Variants in HMBOX1 observed in about 807,000 individuals in gnomAD.
HMBOX1 encodes homeobox containing 1.
A neutral mutation model predicts 54.5 loss-of-function variants in HMBOX1; 14 were observed. That is an observed-to-expected ratio of 0.26 (90% CI 0.17 to 0.40). HMBOX1 has a LOEUF of 0.40. Among genes scored for constraint, HMBOX1 ranks in the 10% least tolerant of loss-of-function variants. HMBOX1 has a pLI of 1.00. For missense variants in HMBOX1, 332 were observed against 514.4 expected (o/e 0.65, Z 3.43); for synonymous variants, 160 against 181.0 (o/e 0.88, Z 0.93).
chr8:29,009,849 T>C, intron 5 of HMBOX1: 3 of 1,202,662 alleles, frequency 2.5e-6, no homozygotes, highest in Non-Finnish European at 1.0e-6. Context: ...AATCTGAAGT[T>C]ATGGGACTAT....
In HMBOX1 at chr8:29,019,049, A is replaced by G. The variant is rs143789281; in HGVS notation, c.851+136A>G. ...ATCTCTAAAAGTACTTTAGAATATC[A>G]TAAATGCTGTATTATAGAAATAAGG... On this transcript the variant is annotated intron_variant, in intron 6 of 9. Coordinates refer to ENST00000287701, the MANE Select transcript of HMBOX1 (RefSeq NM_001135726.3). 722 of 675,246 alleles carry G rather than the reference A, an allele frequency of 1.1e-3. 4 individuals are homozygous for G. The African/African-American group carries it at 0.012, about 11-fold the overall frequency. The allele number at this position is 675,246 out of a possible 1,614,324, so 41.8% of individuals were successfully genotyped here. A position where few individuals can be genotyped will look rare whatever the true frequency, so the allele number is the denominator to read the frequency against.
chr8:29,003,320 GAAT>G (rs1294353771), intron 4 of HMBOX1, among the ~76,000 whole-genome samples: 1 of 151,302 alleles, frequency 6.6e-6, no homozygotes, highest in Non-Finnish European at 1.5e-5. Context: ...CTGCAGTATC[GAAT>G]AATAGGTTCA....
intron 1 of HMBOX1, among the ~76,000 whole-genome samples, chr8:28,958,505 A>G (rs1824877947): frequency 3.3e-5 from 5 of 152,194 alleles, no homozygotes; most frequent in Admixed American, 3.3e-4. Flanking sequence ...TAACATTCAC[A>G]TGGTTAAAAT....
chr8:28,998,607 T>C (rs1252646844), intron 4 of HMBOX1, among the ~76,000 whole-genome samples: 3 of 152,128 alleles, frequency 2.0e-5, no homozygotes, highest in African/African-American at 7.2e-5. Flanking sequence ...TCTGTCTTCT[T>C]ATTGGAGTTT....
chr8:28,945,946 T>TC (rs1221538888), intron 1 of HMBOX1, among the ~76,000 whole-genome samples: 1 of 145,602 alleles, frequency 6.9e-6, no homozygotes, highest in Non-Finnish European at 1.5e-5. Flanking sequence ...GGCATATTCT[T>TC]TTTTTTTTTT....
At chr8:28,898,824 T>C (rs775109183) in intron 1 of HMBOX1, among the ~76,000 whole-genome samples, 1 of 152,220 alleles carries the variant, frequency 6.6e-6, no homozygotes, top group Non-Finnish European at 1.5e-5. Flanking sequence ...CTGAATGCAT[T>C]GCATGACCAC....
At chr8:29,022,730 G>T (rs1271105248) in intron 6 of HMBOX1, among the ~76,000 whole-genome samples, 1 of 151,902 alleles carries the variant, frequency 6.6e-6, no homozygotes, top group Non-Finnish European at 1.5e-5. Context: ...TAAAATGGAG[G>T]AATAAACCAT....
intron 4 of HMBOX1, among the ~76,000 whole-genome samples, chr8:28,984,185 T>G (rs1192264551): frequency 1.3e-5 from 2 of 152,198 alleles, no homozygotes; most frequent in African/African-American, 2.4e-5. Context: ...TTAAACAAAT[T>G]AGTCAAGTGT....
intron 1 of HMBOX1, among the ~76,000 whole-genome samples, chr8:28,896,744 A>G (rs1194714732): frequency 1.3e-5 from 2 of 152,206 alleles, no homozygotes; most frequent in African/African-American, 4.8e-5. Context: ...GCAATAGGCT[A>G]TACCACCTAG....
chr8:28,953,315 T>A (rs1207456599), intron 1 of HMBOX1, among the ~76,000 whole-genome samples: 1 of 152,198 alleles, frequency 6.6e-6, no homozygotes, highest in South Asian at 2.1e-4. Context: ...CAGCTAACTG[T>A]AGTAAGGCCT....
At chr8:29,037,350 A>T (rs1804067028) in intron 6 of HMBOX1, among the ~76,000 whole-genome samples, 1 of 152,204 alleles carries the variant, frequency 6.6e-6, no homozygotes, top group African/African-American at 2.4e-5. Flanking sequence ...TTTATTATTT[A>T]AGAATAATTT....
chr8:28,904,280 GCT>G (rs1813821480), intron 1 of HMBOX1, among the ~76,000 whole-genome samples: 8 of 126,276 alleles, frequency 6.3e-5, no homozygotes. Flanking sequence ...ACGGAGTCTT[GCT>G]CTGTCTTCAG....
intron 1 of HMBOX1, among the ~76,000 whole-genome samples, chr8:28,916,077 T>C (rs1283667257): frequency 2.0e-5 from 3 of 152,230 alleles, no homozygotes; most frequent in East Asian, 1.9e-4. Flanking sequence ...ACAGCAGTTA[T>C]AGTTTCTACT....
At chr8:28,934,522 A>G (rs757192491) in intron 1 of HMBOX1, among the ~76,000 whole-genome samples, 5 of 152,272 alleles carry the variant, frequency 3.3e-5, no homozygotes, top group Non-Finnish European at 7.3e-5. Flanking sequence ...AGCTGTCTCT[A>G]TTCACAGACA....
intron 4 of HMBOX1, 122 bp downstream of exon 4, chr8:28,980,278 T>C (rs112576452): frequency 1.4e-6 from 1 of 731,586 alleles, no homozygotes; most frequent in South Asian, 1.6e-5. Context: ...GGCATAATTA[T>C]GTATGCCTGT....
At position 28,904,405 on chromosome 8, in the gene HMBOX1, G is replaced by T. The variant is rs936306594; in HGVS notation, c.-58+13727G>T. Among the ~76,000 whole-genome samples the T allele has an allele frequency of 2.0e-5, 3 of 152,002 alleles. No homozygotes were observed. The South Asian group carries it at 6.2e-4, about 32-fold the overall frequency. On this transcript the variant is annotated intron_variant, in intron 1 of 9. Transcript: ENST00000287701. The stretch of plus-strand genomic sequence containing the variant: ...GCGCCACCATGCCCAGCCGATTTTT[G>T]TATTTTTAGTAGAGACGAGGTTTCA...
chr8:28,900,796 T>G (rs952748887), intron 1 of HMBOX1, among the ~76,000 whole-genome samples: 1 of 152,128 alleles, frequency 6.6e-6, no homozygotes, highest in African/African-American at 2.4e-5. Flanking sequence ...GAGTTTTTTT[T>G]GTTTGTTTTT....
intron 2 of HMBOX1, among the ~76,000 whole-genome samples, chr8:28,969,313 A>G (rs1399122119): frequency 2.0e-5 from 3 of 152,262 alleles, no homozygotes; most frequent in African/African-American, 7.2e-5. Flanking sequence ...GTTAAAGGAA[A>G]CATGTAAAAG....
intron 1 of HMBOX1, among the ~76,000 whole-genome samples, chr8:28,929,032 TG>T (rs774775220): frequency 2.6e-5 from 4 of 152,214 alleles, no homozygotes; most frequent in Non-Finnish European, 5.9e-5. Flanking sequence ...TGTTTGGTGA[TG>T]GATATGTTAA....
Sources: gnomAD v4.1 joint callset for allele counts (sites outside exome capture counted in the v4.1 genomes callset) on GRCh38, gnomAD v4.1.1 for gene constraint, MANE v1.5 for transcripts, NCBI Gene and HGNC (gene_info 2026-07-23, HGNC 2026-07-21) for gene names.